The following LRPPRC variants were observed in gnomAD, a reference collection of about 807,000 sequenced individuals.
The protein encoded by LRPPRC is leucine-rich PPR motif-containing protein, mitochondrial.
A neutral mutation model predicts 180.3 loss-of-function variants in LRPPRC; 120 were observed. The ratio of observed to expected loss-of-function variants is 0.67; its 90% CI spans 0.57 to 0.77. The LOEUF (loss-of-function observed/expected upper bound fraction) is 0.77, where lower values mean the gene tolerates loss of function less well. LRPPRC is among the 30% of genes least tolerant of loss of function. The probability of loss-of-function intolerance (pLI) is 0.00; values close to 1 mark genes in which losing one functional copy is unlikely to be tolerated. For synonymous variants in LRPPRC, 723 were observed against 600.0 expected, an observed-to-expected ratio of 1.21 and a Z score of -3.00; for missense variants, 2,012 against 1,657.2, an observed-to-expected ratio of 1.21 and a Z score of -3.72.
intron 1 of LRPPRC, among the ~76,000 whole-genome samples, chr2:43,984,769 T>C (rs980693173): frequency 6.6e-6 from 1 of 152,182 alleles, no homozygotes; most frequent in Admixed American, 6.5e-5. Context: ...TTGCACAAGC[T>C]GGAGCTCACT....
At position 43,934,964 on chromosome 2, in the gene LRPPRC, C is replaced by T. The variant is rs1467642964; in HGVS notation, c.2505-86G>A. 4 of 1,087,500 alleles carry T rather than the reference C, an allele frequency of 3.7e-6. No homozygotes were observed. In the East Asian group the frequency reaches 7.3e-5, roughly 20 times the overall value. 67.4% of individuals were successfully genotyped at this position (1,087,500 alleles called of 1,614,324 possible). A position where few individuals can be genotyped will look rare whatever the true frequency, so the allele number is the denominator to read the frequency against. On this transcript the variant is annotated intron_variant, in intron 23 of 37. Transcript: ENST00000260665. The stretch of plus-strand genomic sequence containing the variant: ...AATACTTTAGAGAGATGTTTAATGA[C>T]CAGTTAATATGTAAACAACTGAGCT...
intron 25 of LRPPRC, 81 bp from the exon 26 acceptor site, chr2:43,926,042 T>C (rs1671865771): frequency 2.4e-6 from 2 of 830,462 alleles, no homozygotes; most frequent in African/African-American, 3.4e-5. Context: ...CAGTTTCTTT[T>C]CTTATGAATT....
At chr2:43,980,338 G>A (rs1015877708) in intron 2 of LRPPRC, among the ~76,000 whole-genome samples, 1 of 152,136 alleles carries the variant, frequency 6.6e-6, no homozygotes, top group Non-Finnish European at 1.5e-5. Flanking sequence ...CAGATCACCT[G>A]AGGTCGGGAG....
Position 43,918,776 on chromosome 2 carries a change from AATATATATATATATAGAT to A in LRPPRC, c.2897-396_2897-379del, listed in dbSNP as rs1295902252. ...CCTTTAGCGTTGCAAAGATCCTGGA[AATATATATATATATAGAT>A]ATATATATATATATAGATATATATA... On this transcript the variant is annotated intron_variant, in intron 27 of 37. Transcript: ENST00000260665. Among the ~76,000 whole-genome samples the A allele has an allele frequency of 1.1e-3, 162 of 144,228 alleles. 1 individual carries two copies. The highest frequency in any genetic ancestry group is 3.7e-3 in the Middle Eastern group (1 of 272). 94.6% of individuals were successfully genotyped at this position (144,228 alleles called of 152,430 possible). A position where few individuals can be genotyped will look rare whatever the true frequency, so the allele number is the denominator to read the frequency against.
chr2:43,931,194 G>C (rs576332431), intron 25 of LRPPRC, among the ~76,000 whole-genome samples: 2 of 152,276 alleles, frequency 1.3e-5, no homozygotes, highest in South Asian at 2.1e-4. Context: ...GGCACTGCTA[G>C]GTTCTCAGAA....
intron 21 of LRPPRC, among the ~76,000 whole-genome samples, chr2:43,945,707 C>T (rs1468937487): frequency 1.3e-5 from 2 of 152,026 alleles, no homozygotes; most frequent in East Asian, 1.9e-4. Context: ...ACCTTCATCA[C>T]GAATACTTGA....
At chr2:43,904,122 T>G (rs1203887565) in intron 31 of LRPPRC, among the ~76,000 whole-genome samples, 1 of 152,070 alleles carries the variant, frequency 6.6e-6, no homozygotes, top group African/African-American at 2.4e-5. Context: ...AAAAATTTTT[T>G]GTAGAGACAA....
intron 30 of LRPPRC, among the ~76,000 whole-genome samples, chr2:43,908,107 G>A (rs751664170): frequency 3.9e-4 from 59 of 152,032 alleles, no homozygotes; most frequent in Non-Finnish European, 7.1e-4. Flanking sequence ...CATTATTTCC[G>A]AACAGAATGA....
At chr2:43,898,787 A>C (rs964444541) in intron 34 of LRPPRC, among the ~76,000 whole-genome samples, 3 of 152,224 alleles carry the variant, frequency 2.0e-5, no homozygotes, top group African/African-American at 7.2e-5. Context: ...CTGTACTTGA[A>C]AAGCAAACAT....
intron 24 of LRPPRC, 138 bp downstream of exon 24, chr2:43,934,616 T>C: frequency 8.7e-6 from 6 of 687,088 alleles, no homozygotes; most frequent in South Asian, 4.1e-5. Context: ...CCTGATATTT[T>C]TCTTTTAGAT....
intron 2 of LRPPRC, among the ~76,000 whole-genome samples, chr2:43,980,687 T>C (rs1270504685): frequency 6.6e-6 from 1 of 152,140 alleles, no homozygotes; most frequent in Non-Finnish European, 1.5e-5. Flanking sequence ...AGCTTCCCTC[T>C]CCCTATATCT....
At chr2:43,974,788 AAGTTAG>A in intron 7 of LRPPRC, 30 bp from the exon 8 acceptor site, 1 of 1,606,268 alleles carries the variant, frequency 6.2e-7, no homozygotes, top group Non-Finnish European at 8.5e-7. Flanking sequence ...TTAGAAGACA[AAGTTAG>A]AGTGTTTTTA....
At chr2:43,889,127 C>T (rs544299463) in intron 37 of LRPPRC, among the ~76,000 whole-genome samples, 103 of 152,000 alleles carry the variant, frequency 6.8e-4, no homozygotes, top group Non-Finnish European at 1.3e-3. Context: ...CCAGCGTGGC[C>T]AACATGGTGA....
chr2:43,891,293 G>C (rs1670484028), intron 36 of LRPPRC, among the ~76,000 whole-genome samples: 1 of 152,208 alleles, frequency 6.6e-6, no homozygotes, highest in Admixed American at 6.5e-5. Flanking sequence ...AACACACACA[G>C]ATTTATGCGC....
rs996485750 is a variant in LRPPRC, at chr2:43,888,501, A to C, written c.*99T>G. The C allele has an allele frequency of 1.2e-5, 9 of 775,122 alleles. No individual in the cohort carries two copies. Among genetic ancestry groups the C allele is most frequent in the Non-Finnish European group, 2.0e-5 (9 of 440,704 alleles). The allele number at this position is 775,122 out of a possible 1,614,324, so 48.0% of individuals were successfully genotyped here. On this transcript the variant is annotated 3_prime_UTR_variant, in exon 38 of 38. Coordinates refer to ENST00000260665, the MANE Select transcript of LRPPRC (RefSeq NM_133259.4). ...ATGCATCACACATACATAAGTACAT[A>C]AAGAAAATTTTCATTTATTTTTCCC...
At chr2:43,902,635 A>T (rs6419610) in intron 31 of LRPPRC, 6 of 151,870 alleles carry the variant, frequency 4.0e-5, no homozygotes, top group Non-Finnish European at 1.5e-5. Flanking sequence ...AAAGAAAAAC[A>T]GGTTAAAAAG....
At chr2:43,986,914 C>A (rs754157284) in intron 1 of LRPPRC, among the ~76,000 whole-genome samples, 4 of 152,200 alleles carry the variant, frequency 2.6e-5, no homozygotes, top group Non-Finnish European at 5.9e-5. Flanking sequence ...AACTAGTTTT[C>A]ATAGAGCCGC....
chr2:43,972,829 T>A (rs1673877822), intron 11 of LRPPRC, among the ~76,000 whole-genome samples: 1 of 152,196 alleles, frequency 6.6e-6, no homozygotes, highest in African/African-American at 2.4e-5. Context: ...CAATTCTGCA[T>A]CTCATTCCAA....
In LRPPRC at chr2:43,982,038, G is replaced by A. The variant is rs1196591168; in HGVS notation, c.346+200C>T. 1.1e-4 allele frequency among the ~76,000 whole-genome samples: 16 copies of A among 152,094 alleles called. 1 individual carries two copies. The East Asian group carries it at 2.7e-3, about 26-fold the overall frequency. ...TTCTCATGCCTCAGCCTCCCAAGTA[G>A]TTGGGACTACAGGCACGCGCCACCA... On this transcript the variant is annotated intron_variant, in intron 2 of 37. Transcript: ENST00000260665.
Sources: allele counts gnomAD v4.1 joint callset (sites outside exome capture counted in the v4.1 genomes callset), GRCh38; gene constraint gnomAD v4.1.1; transcripts MANE v1.5; gene names NCBI Gene and HGNC (gene_info 2026-07-23, HGNC 2026-07-21).